Variants in CCDC150 observed in about 807,000 individuals in gnomAD.
CCDC150 encodes the protein coiled-coil domain containing 150, also known as coiled-coil domain-containing protein 150.
In CCDC150, 151 loss-of-function variants were observed where a neutral mutation model predicts 156.5. The ratio of observed to expected loss-of-function variants is 0.97; its 90% CI spans 0.85 to 1.10. CCDC150 has a LOEUF of 1.10. Ranked by LOEUF, CCDC150 falls within the 50% of genes least tolerant of loss-of-function variation. CCDC150 has a pLI of 0.00. For synonymous variants in CCDC150, 452 were observed against 429.4 expected, an observed-to-expected ratio of 1.05 and a Z score of -0.65; for missense variants, 1,312 against 1,268.1, an observed-to-expected ratio of 1.03 and a Z score of -0.53.
At chr2:196,701,953 T>C (rs1696242039) in intron 15 of CCDC150, among the ~76,000 whole-genome samples, 1 of 152,202 alleles carries the variant, frequency 6.6e-6, no homozygotes, top group African/African-American at 2.4e-5. Context: ...TGGGGGAGGC[T>C]GTGCGTGGTG....
At chr2:196,710,279 G>T (rs1345058449) in intron 15 of CCDC150, among the ~76,000 whole-genome samples, 2 of 152,254 alleles carry the variant, frequency 1.3e-5, no homozygotes, top group African/African-American at 4.8e-5. Context: ...AGTGAGCAAG[G>T]CTCCGTGGGC....
chr2:196,717,813 C>T (rs1344908537), intron 17 of CCDC150, among the ~76,000 whole-genome samples: 3 of 152,140 alleles, frequency 2.0e-5, no homozygotes, highest in Admixed American at 6.5e-5. Context: ...ATCGCTTGAT[C>T]CCGGAAGGTG....
At chr2:196,698,036 T>C (rs1695937529) in intron 14 of CCDC150, among the ~76,000 whole-genome samples, 1 of 152,216 alleles carries the variant, frequency 6.6e-6, no homozygotes, top group Admixed American at 6.5e-5. Flanking sequence ...TGTGTACTAA[T>C]AATGTTTATA....
At chr2:196,688,772 G>T (rs1482720135) in intron 13 of CCDC150, among the ~76,000 whole-genome samples, 10 of 151,494 alleles carry the variant, frequency 6.6e-5, no homozygotes, top group Non-Finnish European at 7.4e-5. Context: ...GTCAATTTTG[G>T]CTTTTGTTGC....
At position 196,726,014 on chromosome 2, in the gene CCDC150, A is replaced by G. The variant is rs754948504; in HGVS notation, c.2471A>G (p.His824Arg). Residue 824 changes from histidine (H) to arginine (R), a missense_variant, in exon 22 of 28, where the codon CAT becomes CGT. By Grantham distance (29) the His-to-Arg change is conservative (BLOSUM62 0). Transcript: ENST00000389175. ...TEESKVEAEL[H>R]AERIEALRKQ... ...GAGTCCAAAGTGGAAGCAGAATTGC[A>G]TGCTGAACGCATAGAAGCTCTAAGA... The G allele has an allele frequency of 1.7e-5, 28 of 1,606,670 alleles. No homozygotes were observed. Among genetic ancestry groups the G allele is most frequent in the African/African-American group, 2.7e-5 (2 of 74,860 alleles).
At chr2:196,673,683 A>G (rs1299629507) in intron 9 of CCDC150, among the ~76,000 whole-genome samples, 1 of 152,200 alleles carries the variant, frequency 6.6e-6, no homozygotes, top group African/African-American at 2.4e-5. Flanking sequence ...GTTTCTCTCA[A>G]TAATACAAAT....
At chr2:196,658,695 G>A (rs1180035846) in intron 4 of CCDC150, 97 bp from the exon 5 acceptor site, 3 of 749,876 alleles carry the variant, frequency 4.0e-6, no homozygotes, top group Non-Finnish European at 6.6e-6. Flanking sequence ...GCATTTATAG[G>A]TTGCCAGAAA....
At chr2:196,660,585 T>C (rs79851365) in intron 5 of CCDC150, among the ~76,000 whole-genome samples, 3,988 of 152,276 alleles carry the variant, frequency 0.026, 182 homozygotes, top group African/African-American at 0.09. Flanking sequence ...TTCTCATGTG[T>C]TTATTTGCCA....
rs776986542 is a variant in CCDC150, at chr2:196,656,854, G to T, written c.397+1G>T. ...AAGGATTTGAATCCTCAGAAAACAG[G>T]TATAGAGATAAGAATCATCAGAAAT... On this transcript the variant is annotated splice_donor_variant, in intron 3 of 27. Coordinates refer to ENST00000389175, the MANE Select transcript of CCDC150 (RefSeq NM_001080539.2). LOFTEE classifies it high-confidence loss of function. 1 of 1,613,424 alleles carries T rather than the reference G, an allele frequency of 6.2e-7. No individual in the cohort carries two copies. The highest frequency in any genetic ancestry group is 8.5e-7 in the Non-Finnish European group (1 of 1,179,522).
intron 7 of CCDC150, among the ~76,000 whole-genome samples, chr2:196,668,974 T>C (rs1694028502): frequency 6.6e-6 from 1 of 152,236 alleles, no homozygotes; most frequent in African/African-American, 2.4e-5. Flanking sequence ...CTTTAGAATA[T>C]TTAAGTGAAA....
intron 2 of CCDC150, among the ~76,000 whole-genome samples, chr2:196,649,071 T>C (rs1289735799): frequency 6.6e-6 from 1 of 152,218 alleles, no homozygotes; most frequent in Non-Finnish European, 1.5e-5. Context: ...GCTAATGCAA[T>C]GCCTCCACCT....
chr2:196,694,787 G>C (rs556280268), intron 13 of CCDC150, among the ~76,000 whole-genome samples: 2 of 152,106 alleles, frequency 1.3e-5, no homozygotes, highest in African/African-American at 4.8e-5. Flanking sequence ...GCTTGAACCC[G>C]GGAGGCAGAG....
chr2:196,664,409 A>G (rs906577809), intron 5 of CCDC150, among the ~76,000 whole-genome samples: 10 of 152,232 alleles, frequency 6.6e-5, no homozygotes, highest in Non-Finnish European at 1.2e-4. Flanking sequence ...GAAACGCTTC[A>G]CTTGCATTTA....
At chr2:196,721,982 G>A (rs1046632187) in intron 21 of CCDC150, among the ~76,000 whole-genome samples, 1 of 152,108 alleles carries the variant, frequency 6.6e-6, no homozygotes, top group South Asian at 2.1e-4. Context: ...TAGAAGGGAC[G>A]TTCACATGTT....
intron 19 of CCDC150, among the ~76,000 whole-genome samples, chr2:196,719,934 T>C (rs1013778757): frequency 2.0e-5 from 3 of 152,234 alleles, no homozygotes; most frequent in African/African-American, 4.8e-5. Context: ...ACTGTTGTTT[T>C]ACCCTTGCTT....
intron 13 of CCDC150, among the ~76,000 whole-genome samples, chr2:196,692,070 T>G (rs1307405881): frequency 6.6e-6 from 1 of 152,172 alleles, no homozygotes; most frequent in Non-Finnish European, 1.5e-5. Flanking sequence ...TGTTTGCTCT[T>G]TGTTCTCTAG....
rs543767863 is a variant in CCDC150, at chr2:196,690,376, G to A, written c.1510-4670G>A. On this transcript the variant is annotated intron_variant, in intron 13 of 27. Transcript: ENST00000389175. ...GTGCACATGTACCCTAAAACTTAAA[G>A]TATAATAATAATAAAATAAAAAACC... is the stretch of plus-strand genomic sequence containing the variant. Among the ~76,000 whole-genome samples the A allele has an allele frequency of 1.0e-3, 157 of 152,056 alleles. 1 individual carries two copies. The highest frequency in any genetic ancestry group is 2.5e-3 in the Admixed American group (38 of 15,274).
intron 7 of CCDC150, chr2:196,667,072 GT>G: frequency 1.8e-6 from 1 of 540,972 alleles, no homozygotes; most frequent in Non-Finnish European, 3.3e-6. Context: ...TTCCTTATTT[GT>G]TTTTTTCCAG....
At chr2:196,695,212 A>T in intron 14 of CCDC150, 53 bp downstream of exon 14, 1 of 923,748 alleles carries the variant, frequency 1.1e-6, no homozygotes, top group Non-Finnish European at 1.7e-6. Context: ...TGAGTTCAGA[A>T]ATAACAACAA....
Sources: allele counts gnomAD v4.1 joint callset (sites outside exome capture counted in the v4.1 genomes callset), GRCh38; gene constraint gnomAD v4.1.1; transcripts MANE v1.5; gene names NCBI Gene and HGNC (gene_info 2026-07-23, HGNC 2026-07-21).